The following CEP170 variants were observed in gnomAD, a reference collection of about 807,000 sequenced individuals.
CEP170 encodes centrosomal protein 170, also known as centrosomal protein of 170 kDa.
A neutral mutation model predicts 151.9 loss-of-function variants in CEP170; 21 were observed. The observed-to-expected ratio is 0.14, with a 90% CI of 0.10 to 0.20. The LOEUF is 0.20. Ranked by LOEUF, CEP170 falls within the 10% of genes least tolerant of loss-of-function variation. CEP170 has a pLI of 1.00. For synonymous variants in CEP170, 356 were observed against 648.8 expected, an observed-to-expected ratio of 0.55 and a Z score of 6.86; for missense variants, 964 against 1,892.9, an observed-to-expected ratio of 0.51 and a Z score of 9.11.
intron 8 of CEP170, among the ~76,000 whole-genome samples, chr1:243,188,423 T>C (rs1178167589): frequency 6.6e-6 from 1 of 152,214 alleles, no homozygotes; most frequent in African/African-American, 2.4e-5. Context: ...AAAATTACCA[T>C]TCCCTCTTGT....
chr1:243,172,604 C>T (rs553804717), intron 11 of CEP170, 93 bp downstream of exon 11: 3 of 1,120,114 alleles, frequency 2.7e-6, no homozygotes, highest in South Asian at 2.1e-5. Context: ...TGCACTCCAG[C>T]CTGGGCAACA....
intron 8 of CEP170, among the ~76,000 whole-genome samples, chr1:243,189,564 A>G (rs2060173080): frequency 6.6e-6 from 1 of 151,894 alleles, no homozygotes; most frequent in South Asian, 2.1e-4. Flanking sequence ...TCCAAAAAAA[A>G]AAAAAAAAAA....
chr1:243,251,515 A>G (rs1290816546), intron 1 of CEP170, among the ~76,000 whole-genome samples: 1 of 152,162 alleles, frequency 6.6e-6, no homozygotes, highest in Non-Finnish European at 1.5e-5. Flanking sequence ...TTAATTTAGA[A>G]GTTTGTTGCA....
At chr1:243,218,827 C>A (rs1179043933) in intron 3 of CEP170, among the ~76,000 whole-genome samples, 1 of 152,106 alleles carries the variant, frequency 6.6e-6, no homozygotes, top group Non-Finnish European at 1.5e-5. Flanking sequence ...CCTGTGAGTA[C>A]CATTTTATTA....
At chr1:243,233,978 G>GA (rs1428748508) in intron 1 of CEP170, among the ~76,000 whole-genome samples, 3 of 151,952 alleles carry the variant, frequency 2.0e-5, no homozygotes, top group Non-Finnish European at 2.9e-5. Context: ...TTAAGCCTGA[G>GA]AAAAAATCAT....
intron 2 of CEP170, among the ~76,000 whole-genome samples, chr1:243,223,508 A>C (rs1558637656): frequency 6.6e-6 from 1 of 152,206 alleles, no homozygotes; most frequent in Non-Finnish European, 1.5e-5. Context: ...TAAGTGAACA[A>C]CTTGTTTGAA....
intron 18 of CEP170, chr1:243,128,572 A>AC (rs2053984111): frequency 3.7e-6 from 1 of 271,830 alleles, no homozygotes; most frequent in African/African-American, 2.3e-5. Flanking sequence ...TTAAGCAAAG[A>AC]TTTTTTTTTT....
Position 243,164,846 on chromosome 1 carries a change from A to G in CEP170, c.3114T>C (p.Asp1038=), listed in dbSNP as rs764439939. 3.1e-6 allele frequency: 5 copies of G among 1,613,224 alleles called. No homozygotes were observed. In the South Asian group the frequency reaches 4.4e-5, roughly 14 times the overall value. ...AAGTTTCTTGATCAGATGACATAAT[A>G]TCAGAGATGGCAGAATGAGGTACAC... ...TSSVPHSAIS[D]IMSSDQETYS... Residue 1038 remains aspartate (D), a synonymous_variant, in exon 13 of 20, where the codon GAT becomes GAC. Coordinates refer to ENST00000366542, the MANE Select transcript of CEP170 (RefSeq NM_014812.3).
chr1:243,232,707 C>T (rs556309861), intron 1 of CEP170, among the ~76,000 whole-genome samples: 1 of 152,210 alleles, frequency 6.6e-6, no homozygotes, highest in Non-Finnish European at 1.5e-5. Flanking sequence ...AATATCTTGC[C>T]TCAAGGAACT....
chr1:243,206,130 C>A (rs1170656879), intron 4 of CEP170, among the ~76,000 whole-genome samples: 1 of 152,132 alleles, frequency 6.6e-6, no homozygotes, highest in South Asian at 2.1e-4. Flanking sequence ...CTATCCCCAG[C>A]AACAGTAACT....
intron 1 of CEP170, among the ~76,000 whole-genome samples, chr1:243,230,777 A>G (rs1045702582): frequency 1.6e-4 from 24 of 152,218 alleles, no homozygotes; most frequent in Middle Eastern, 3.2e-3. Context: ...GATATCATCA[A>G]ACATACTAAT....
chr1:243,197,841 C>T (rs560798662), intron 7 of CEP170, among the ~76,000 whole-genome samples: 1 of 152,004 alleles, frequency 6.6e-6, no homozygotes, highest in Non-Finnish European at 1.5e-5. Context: ...CTAAGTAATA[C>T]TGTTTCTGTG....
intron 3 of CEP170, among the ~76,000 whole-genome samples, chr1:243,218,084 T>C (rs1190275959): frequency 1.3e-5 from 2 of 152,224 alleles, no homozygotes; most frequent in East Asian, 1.9e-4. Flanking sequence ...CCAGCATACA[T>C]TGTATTGATG....
intron 1 of CEP170, among the ~76,000 whole-genome samples, chr1:243,247,600 C>T (rs995226962): frequency 6.6e-6 from 1 of 152,168 alleles, no homozygotes; most frequent in African/African-American, 2.4e-5. Flanking sequence ...GTGATCCACC[C>T]GCTTCGGCCT....
At chr1:243,246,852 G>T (rs896560399) in intron 1 of CEP170, among the ~76,000 whole-genome samples, 3 of 152,138 alleles carry the variant, frequency 2.0e-5, no homozygotes, top group African/African-American at 4.8e-5. Context: ...CCAAGGAGAA[G>T]TATTTAATGA....
At chr1:243,195,207 C>T (rs1450176327) in intron 7 of CEP170, among the ~76,000 whole-genome samples, 1 of 151,396 alleles carries the variant, frequency 6.6e-6, no homozygotes, top group Admixed American at 6.6e-5. Context: ...TTTAGTTTCG[C>T]TGGATTAAAA....
intron 1 of CEP170, among the ~76,000 whole-genome samples, chr1:243,243,932 C>T (rs567769007): frequency 6.6e-6 from 1 of 152,082 alleles, no homozygotes; most frequent in Admixed American, 6.5e-5. Context: ...TACCTGTTTA[C>T]AGAAACACCT....
rs186133662 is a variant in CEP170 at position 243,172,937 on chromosome 1, A to G, written c.1567-91T>C. Reference sequence around the variant, plus strand: ...GTATAATTAACTTCAGAGGCAAATAAAAATATTCCAAATTAATTTTAATAG... The same window carrying G: ...GTATAATTAACTTCAGAGGCAAATAGAAATATTCCAAATTAATTTTAATAG... On this transcript the variant is annotated intron_variant, in intron 10 of 19. Transcript: ENST00000366542. The G allele has an allele frequency of 3.9e-6, 5 of 1,268,546 alleles. No individual in the cohort carries two copies. The East Asian group carries it at 1.5e-4, about 37-fold the overall frequency. 78.6% of individuals were successfully genotyped at this position (1,268,546 alleles called of 1,614,324 possible). A position where few individuals can be genotyped will look rare whatever the true frequency, so the allele number is the denominator to read the frequency against.
intron 2 of CEP170, among the ~76,000 whole-genome samples, chr1:243,224,264 A>G (rs1167482006): frequency 6.6e-6 from 1 of 152,166 alleles, no homozygotes; most frequent in African/African-American, 2.4e-5. Flanking sequence ...TGAGCTTAAA[A>G]CTGCAAAGAT....
Sources: allele counts gnomAD v4.1 joint callset (sites outside exome capture counted in the v4.1 genomes callset), GRCh38; gene constraint gnomAD v4.1.1; transcripts MANE v1.5; gene names NCBI Gene and HGNC (gene_info 2026-07-23, HGNC 2026-07-21).